PIGL: variants seen among roughly 807,000 people sequenced by gnomAD.
PIGL encodes phosphatidylinositol glycan anchor biosynthesis class L, also known as N-acetylglucosaminyl-phosphatidylinositol de-N-acetylase.
Under a neutral mutation model 31.1 loss-of-function variants are expected in PIGL, and 22 were observed. The ratio of observed to expected loss-of-function variants is 0.71; its 90% CI spans 0.51 to 1.01. PIGL has a LOEUF of 1.01. Ranked by LOEUF, PIGL falls within the 50% of genes least tolerant of loss-of-function variation. The pLI is 0.00. For missense variants in PIGL, 302 were observed against 315.9 expected, an observed-to-expected ratio of 0.96 and a Z score of 0.33; for synonymous variants, 131 against 117.4, an observed-to-expected ratio of 1.12 and a Z score of -0.75.
intron 3 of PIGL, among the ~76,000 whole-genome samples, chr17:16,303,288 G>T (rs1010760991): frequency 6.6e-6 from 1 of 152,144 alleles, no homozygotes; most frequent in Non-Finnish European, 1.5e-5. Context: ...ACTAGACTAA[G>T]GCCTGTGAAG....
intron 2 of PIGL, among the ~76,000 whole-genome samples, chr17:16,243,836 A>G (rs2092733180): frequency 1.3e-5 from 2 of 152,198 alleles, no homozygotes; most frequent in African/African-American, 4.8e-5. Context: ...CCAGATGGAG[A>G]GCTGCAATGG....
At chr17:16,310,376 G>C (rs946639144) in intron 3 of PIGL, among the ~76,000 whole-genome samples, 5 of 151,588 alleles carry the variant, frequency 3.3e-5, no homozygotes, top group Non-Finnish European at 5.9e-5. Flanking sequence ...TCAAATAAGG[G>C]ATCCAGTAAT....
intron 2 of PIGL, among the ~76,000 whole-genome samples, chr17:16,252,729 T>C (rs139378714): frequency 6.6e-6 from 1 of 152,310 alleles, no homozygotes; most frequent in East Asian, 1.9e-4. Context: ...TTTGATAATA[T>C]TTTATTTGAT....
chr17:16,304,508 A>T (rs572298377), intron 3 of PIGL, among the ~76,000 whole-genome samples: 3 of 152,316 alleles, frequency 2.0e-5, no homozygotes, highest in Admixed American at 6.5e-5. Context: ...CTATAATCCT[A>T]GCACTTTGGG....
At chr17:16,220,273 A>G (rs178796) in intron 1 of PIGL, among the ~76,000 whole-genome samples, 67,642 of 151,426 alleles carry the variant, frequency 0.45, 16,177 homozygotes, top group Middle Eastern at 0.57. Context: ...ACTTGAACCC[A>G]GGAGGCGGAG....
intron 2 of PIGL, among the ~76,000 whole-genome samples, chr17:16,298,514 G>T (rs1181213293): frequency 6.6e-6 from 1 of 152,208 alleles, no homozygotes; most frequent in African/African-American, 2.4e-5. Context: ...GGTTGGAGAA[G>T]GAGATAGGCC....
chr17:16,289,840 G>C (rs997049311), intron 2 of PIGL, among the ~76,000 whole-genome samples: 1 of 152,020 alleles, frequency 6.6e-6, no homozygotes, highest in African/African-American at 2.4e-5. Context: ...GCAGTGGCAC[G>C]ATCTTGGCTC....
At chr17:16,292,730 G>A (rs1323391876) in intron 2 of PIGL, among the ~76,000 whole-genome samples, 1 of 152,212 alleles carries the variant, frequency 6.6e-6, no homozygotes, top group Non-Finnish European at 1.5e-5. Flanking sequence ...AATAACTGTG[G>A]TAGGAGGAGG....
rs764984 is a variant in PIGL at position 16,313,674 on chromosome 17, G to C, written c.494+60G>C. ...TTTGTTTATTTGATTAGGGCTCATGGTTTAAAGTCTAAAGCACTTTCCCAC... is the reference window on the plus strand; with the variant it reads ...TTTGTTTATTTGATTAGGGCTCATGCTTTAAAGTCTAAAGCACTTTCCCAC... On this transcript the variant is annotated intron_variant, in intron 4 of 6. Transcript: ENST00000225609. 42,720 of 1,302,380 alleles carry C rather than the reference G, an allele frequency of 0.033. 901 individuals are homozygous for C. The highest frequency in any genetic ancestry group is 0.086 in the African/African-American group (5,897 of 68,916). The allele number at this position is 1,302,380 out of a possible 1,614,324, so 80.7% of individuals were successfully genotyped here.
intron 6 of PIGL, among the ~76,000 whole-genome samples, chr17:16,320,935 A>ATTTTTTT (rs34777606): frequency 1.1e-5 from 1 of 89,982 alleles, no homozygotes. Flanking sequence ...GTGCCTGGCC[A>ATTTTTTT]TTTTTTTTTT....
intron 3 of PIGL, among the ~76,000 whole-genome samples, chr17:16,309,954 T>G (rs2093041856): frequency 6.6e-6 from 1 of 151,746 alleles, no homozygotes; most frequent in Admixed American, 6.6e-5. Flanking sequence ...GGCACGTACC[T>G]GTAGTCCCAG....
chr17:16,315,947 C>T (rs1368843226), intron 4 of PIGL, among the ~76,000 whole-genome samples: 4 of 151,956 alleles, frequency 2.6e-5, no homozygotes, highest in African/African-American at 7.3e-5. Context: ...CCGCTTGCCT[C>T]GGCCTCCCAA....
At chr17:16,225,462 C>T (rs928548548) in intron 1 of PIGL, among the ~76,000 whole-genome samples, 7 of 144,590 alleles carry the variant, frequency 4.8e-5, no homozygotes, top group African/African-American at 1.8e-4. Context: ...AATCTCAGCT[C>T]ACTGCAAGCT....
intron 2 of PIGL, among the ~76,000 whole-genome samples, chr17:16,239,802 T>C (rs1021545169): frequency 1.3e-5 from 2 of 152,028 alleles, no homozygotes; most frequent in African/African-American, 2.4e-5. Context: ...TTTTTTTTTT[T>C]AGAGACAAGG....
At chr17:16,234,592 C>T (rs1470805716) in intron 2 of PIGL, among the ~76,000 whole-genome samples, 1 of 152,178 alleles carries the variant, frequency 6.6e-6, no homozygotes, top group Admixed American at 6.6e-5. Flanking sequence ...TGGTAAAACC[C>T]CGCATCTACT....
intron 2 of PIGL, among the ~76,000 whole-genome samples, chr17:16,250,786 G>A (rs1350805658): frequency 6.6e-6 from 1 of 152,184 alleles, no homozygotes; most frequent in Non-Finnish European, 1.5e-5. Flanking sequence ...CACAGTGGGA[G>A]GTTGAGTAAT....
chr17:16,287,996 T>G (rs1381156606), intron 2 of PIGL, among the ~76,000 whole-genome samples: 2 of 152,214 alleles, frequency 1.3e-5, no homozygotes, highest in East Asian at 3.8e-4. Flanking sequence ...ATAGGCAAGT[T>G]ACCTTCTTCT....
chr17:16,308,810 T>TC (rs1221454892), intron 3 of PIGL, among the ~76,000 whole-genome samples: 3 of 150,662 alleles, frequency 2.0e-5, no homozygotes, highest in African/African-American at 4.9e-5. Context: ...TTTTTTTTTT[T>TC]CGAGACAAGG....
chr17:16,307,397 T>G (rs1278289418), intron 3 of PIGL, among the ~76,000 whole-genome samples: 9 of 152,218 alleles, frequency 5.9e-5, no homozygotes, highest in Non-Finnish European at 1.2e-4. Context: ...AGTTTCTGCT[T>G]TGTTTCCACA....
Sources: allele counts gnomAD v4.1 joint callset (sites outside exome capture counted in the v4.1 genomes callset), GRCh38; gene constraint gnomAD v4.1.1; transcripts MANE v1.5; gene names NCBI Gene and HGNC (gene_info 2026-07-23, HGNC 2026-07-21).